NNMT: variants seen among roughly 807,000 people sequenced by gnomAD.
NNMT encodes nicotinamide N-methyltransferase.
NNMT carries 10 observed loss-of-function variants against 11.7 expected under a neutral mutation model. That is an observed-to-expected ratio of 0.85 (90% CI 0.53 to 1.45). The LOEUF is 1.45. NNMT is among the 40% of genes most tolerant of loss of function. NNMT has a pLI of 0.00. For missense variants in NNMT, 381 were observed against 319.4 expected (o/e 1.19, Z -1.47); for synonymous variants, 143 against 133.8 (o/e 1.07, Z -0.48).
At position 114,312,119 on chromosome 11, in the gene NNMT, G is replaced by A. The variant is rs1945555114; in HGVS notation, c.437G>A (p.Ser146Asn). The A allele has an allele frequency of 6.2e-7, 1 of 1,613,382 alleles. No individual in the cohort carries two copies. The highest frequency in any genetic ancestry group is 1.1e-5 in the South Asian group (1 of 90,968). The part of the protein sequence containing the change: ...KQVLKCDVTQ[S>N]QPLGAVPLPP... ...GTGCTGAAGTGTGATGTGACTCAGA[G>A]CCAGCCACTGGGGGCCGTCCCCTTA... Residue 146 changes from serine to asparagine, a missense_variant, in exon 3 of 3, where the codon AGC becomes AAC. Transcript: ENST00000299964.
At chr11:114,309,524 G>C (rs577013862) in intron 2 of NNMT, among the ~76,000 whole-genome samples, 1 of 152,140 alleles carries the variant, frequency 6.6e-6, no homozygotes, top group Non-Finnish European at 1.5e-5. Context: ...TTTCTATGTA[G>C]ATACCAGTTT....
At chr11:114,263,247 GA>G (rs1382094064) in intron 2 of NNMT, among the ~76,000 whole-genome samples, 1 of 152,034 alleles carries the variant, frequency 6.6e-6, no homozygotes, top group African/African-American at 2.4e-5. Context: ...AAGCACCAAT[GA>G]AACTGAGTAC....
chr11:114,281,069 C>T (rs1247598231), intron 2 of NNMT, among the ~76,000 whole-genome samples: 1 of 152,176 alleles, frequency 6.6e-6, no homozygotes, highest in East Asian at 1.9e-4. Flanking sequence ...CCACTAGGGA[C>T]GTAGGCTAGC....
chr11:114,290,481 A>T (rs1033343135), intron 2 of NNMT, among the ~76,000 whole-genome samples: 2 of 152,226 alleles, frequency 1.3e-5, no homozygotes, highest in African/African-American at 2.4e-5. Context: ...TTTGGATCCC[A>T]CTAAGCACCA....
chr11:114,277,653 A>G (rs1413688582), intron 2 of NNMT, among the ~76,000 whole-genome samples: 1 of 152,220 alleles, frequency 6.6e-6, no homozygotes, highest in Non-Finnish European at 1.5e-5. Context: ...AACTTCAAGA[A>G]AAGTGAAAGA....
chr11:114,258,859 C>G (rs1347977021), intron 1 of NNMT, among the ~76,000 whole-genome samples: 1 of 151,904 alleles, frequency 6.6e-6, no homozygotes, highest in African/African-American at 2.4e-5. Context: ...ACACCGAGCT[C>G]CATTCCCCTG....
chr11:114,267,633 T>G (rs999973583), intron 2 of NNMT, among the ~76,000 whole-genome samples: 1 of 152,332 alleles, frequency 6.6e-6, no homozygotes. Context: ...TTCAACATCA[T>G]CCAGATTCTG....
chr11:114,285,226 C>A (rs1945289734), intron 2 of NNMT, among the ~76,000 whole-genome samples: 1 of 152,158 alleles, frequency 6.6e-6, no homozygotes, highest in African/African-American at 2.4e-5. Context: ...GTATTGATAA[C>A]CAGATAATTA....
intron 2 of NNMT, among the ~76,000 whole-genome samples, chr11:114,277,577 A>G (rs1184311031): frequency 6.6e-6 from 1 of 152,168 alleles, no homozygotes. Context: ...AATGGGGTTG[A>G]GGGGTGAAGA....
At chr11:114,279,424 A>C (rs971515193) in intron 2 of NNMT, among the ~76,000 whole-genome samples, 4 of 152,176 alleles carry the variant, frequency 2.6e-5, no homozygotes, top group Non-Finnish European at 5.9e-5. Flanking sequence ...AGCGAAGATG[A>C]ATCTTAAAGG....
At chr11:114,264,885 C>G (rs1945108604) in intron 2 of NNMT, among the ~76,000 whole-genome samples, 2 of 152,222 alleles carry the variant, frequency 1.3e-5, no homozygotes, top group Admixed American at 1.3e-4. Flanking sequence ...CACTTCCATA[C>G]CCTCCCTGGG....
intron 1 of NNMT, among the ~76,000 whole-genome samples, chr11:114,259,648 A>G (rs1446421792): frequency 6.6e-6 from 1 of 152,134 alleles, no homozygotes; most frequent in Admixed American, 6.5e-5. Context: ...GCAGGAGGGC[A>G]GGCTCCTCTC....
At chr11:114,285,061 A>T (rs1329456919) in intron 2 of NNMT, among the ~76,000 whole-genome samples, 2 of 152,016 alleles carry the variant, frequency 1.3e-5, no homozygotes, top group Non-Finnish European at 2.9e-5. Flanking sequence ...CCTGGCCCCA[A>T]CATGTCTTTT....
chr11:114,278,189 C>T (rs752669302), intron 2 of NNMT, among the ~76,000 whole-genome samples: 13 of 152,016 alleles, frequency 8.6e-5, no homozygotes, highest in Non-Finnish European at 1.5e-4. Context: ...ACAATCATGG[C>T]GGAAGGCAAG....
chr11:114,294,801 G>A (rs1382141875), upstream of NNMT, among the ~76,000 whole-genome samples: 2 of 150,868 alleles, frequency 1.3e-5, no homozygotes, highest in African/African-American at 4.9e-5. Context: ...AAAGAAAAAA[G>A]AAAAAAAAAT....
upstream of NNMT, among the ~76,000 whole-genome samples, chr11:114,293,844 T>C (rs977089908): frequency 6.6e-6 from 1 of 152,124 alleles, no homozygotes; most frequent in Admixed American, 6.5e-5. Flanking sequence ...CCCATGTTTA[T>C]TGTAGCACTG....
intron 1 of NNMT, among the ~76,000 whole-genome samples, chr11:114,259,684 G>T (rs1212750794): frequency 6.9e-6 from 1 of 144,790 alleles, no homozygotes; most frequent in Non-Finnish European, 1.5e-5. Context: ...GCACCCAGGG[G>T]GTGCCTCAGT....
upstream of NNMT, among the ~76,000 whole-genome samples, chr11:114,295,345 G>A (rs186881075): frequency 2.7e-3 from 404 of 152,250 alleles, no homozygotes; most frequent in Non-Finnish European, 4.6e-3. Context: ...ATGCTTTAGC[G>A]GGGAGTGAGC....
chr11:114,270,025 A>G (rs1048706445), intron 2 of NNMT, among the ~76,000 whole-genome samples: 2 of 152,098 alleles, frequency 1.3e-5, no homozygotes, highest in African/African-American at 4.8e-5. Context: ...CTTTGGTCCA[A>G]AAATGTTTAA....
Sources: gnomAD v4.1 joint callset for allele counts (sites outside exome capture counted in the v4.1 genomes callset) on GRCh38, gnomAD v4.1.1 for gene constraint, MANE v1.5 for transcripts, NCBI Gene and HGNC (gene_info 2026-07-23, HGNC 2026-07-21) for gene names.